LY96: variants seen among roughly 807,000 people sequenced by gnomAD.
LY96 encodes lymphocyte antigen 96.
A neutral mutation model predicts 18.9 loss-of-function variants in LY96; 18 were observed. That is an observed-to-expected ratio of 0.95 (90% CI 0.66 to 1.41). LY96 has a LOEUF of 1.41. Among genes scored for constraint, LY96 ranks in the 40% most tolerant of loss-of-function variants. The pLI is 0.00. For synonymous variants in LY96, 66 were observed against 62.6 expected, an observed-to-expected ratio of 1.06 and a Z score of -0.26; for missense variants, 175 against 182.4, an observed-to-expected ratio of 0.96 and a Z score of 0.23.
chr8:74,033,097 A>C (rs1816997455), downstream of LY96, among the ~76,000 whole-genome samples: 1 of 152,178 alleles, frequency 6.6e-6, no homozygotes, highest in Non-Finnish European at 1.5e-5. Context: ...TTACTCCGGC[A>C]GAATCATACG....
chr8:74,069,449 G>T, the LY96 span, among the ~76,000 whole-genome samples: 1 of 152,114 alleles, frequency 6.6e-6, no homozygotes, highest in Non-Finnish European at 1.5e-5. Flanking sequence ...TTCCTGTGAT[G>T]GGCAGTGATA....
chr8:74,068,033 C>T, the LY96 span, among the ~76,000 whole-genome samples: 6,137 of 135,622 alleles, frequency 0.045, 362 homozygotes, highest in African/African-American at 0.13. Flanking sequence ...TGCACTCCAC[C>T]CTGGGTGACA....
At chr8:73,997,985 T>G (rs1816185896) in intron 1 of LY96, among the ~76,000 whole-genome samples, 1 of 152,176 alleles carries the variant, frequency 6.6e-6, no homozygotes, top group Non-Finnish European at 1.5e-5. Context: ...GTGTTCATCA[T>G]GTAGGCATAA....
At chr8:74,022,527 G>T (rs1329456326) in intron 3 of LY96, among the ~76,000 whole-genome samples, 2 of 149,762 alleles carry the variant, frequency 1.3e-5, no homozygotes, top group Non-Finnish European at 1.5e-5. Context: ...TACCTGAACT[G>T]CTAAGTGTTA....
At chr8:74,035,694 T>A in the LY96 span, among the ~76,000 whole-genome samples, 1 of 152,186 alleles carries the variant, frequency 6.6e-6, no homozygotes, top group African/African-American at 2.4e-5. Flanking sequence ...ACATTTACAA[T>A]CTATTCTCTT....
intron 3 of LY96, among the ~76,000 whole-genome samples, chr8:74,021,130 G>A (rs1816749400): frequency 6.6e-6 from 1 of 152,186 alleles, no homozygotes; most frequent in South Asian, 2.1e-4. Context: ...AGATTGAACA[G>A]GCGACCTACA....
At chr8:74,013,045 C>T (rs1816561263) in intron 3 of LY96, among the ~76,000 whole-genome samples, 1 of 151,988 alleles carries the variant, frequency 6.6e-6, no homozygotes, top group South Asian at 2.1e-4. Flanking sequence ...CAGCCTCAAA[C>T]TCCTGGGCTG....
chr8:74,050,764 C>T, the LY96 span, among the ~76,000 whole-genome samples: 24 of 152,310 alleles, frequency 1.6e-4, no homozygotes, highest in South Asian at 5.0e-3. Flanking sequence ...GGGCTCATGC[C>T]TGTAATCCCA....
chr8:74,031,931 C>T (rs1289237961), downstream of LY96, among the ~76,000 whole-genome samples: 2 of 152,012 alleles, frequency 1.3e-5, no homozygotes, highest in Non-Finnish European at 2.9e-5. Flanking sequence ...CCAGACTAGC[C>T]TGGCCAAGAC....
chr8:73,998,182 C>T (rs984043931), intron 1 of LY96, among the ~76,000 whole-genome samples: 2 of 152,140 alleles, frequency 1.3e-5, no homozygotes, highest in African/African-American at 4.8e-5. Context: ...GAACTAGAAG[C>T]TCTGGGCAAG....
At chr8:73,998,240 C>T (rs1361672156) in intron 1 of LY96, among the ~76,000 whole-genome samples, 1 of 152,230 alleles carries the variant, frequency 6.6e-6, no homozygotes, top group African/African-American at 2.4e-5. Context: ...TCTCTTACCA[C>T]TCCCATTGTT....
chr8:74,059,733 T>C, the LY96 span, among the ~76,000 whole-genome samples: 1 of 152,222 alleles, frequency 6.6e-6, no homozygotes, highest in Non-Finnish European at 1.5e-5. Flanking sequence ...AAAATCTACT[T>C]AAAACTATTA....
At chr8:74,092,234 A>G in the LY96 span, among the ~76,000 whole-genome samples, 1 of 152,196 alleles carries the variant, frequency 6.6e-6, no homozygotes, top group Non-Finnish European at 1.5e-5. Context: ...GGAAGCACCA[A>G]CTAAGTCTGT....
chr8:73,997,108 T>C (rs1361760697), intron 1 of LY96, among the ~76,000 whole-genome samples: 1 of 152,180 alleles, frequency 6.6e-6, no homozygotes, highest in Non-Finnish European at 1.5e-5. Context: ...CAGCCTGCCT[T>C]GGCCTCCCAA....
At chr8:73,995,879 G>A (rs1018762630) in intron 1 of LY96, among the ~76,000 whole-genome samples, 7 of 152,170 alleles carry the variant, frequency 4.6e-5, no homozygotes, top group South Asian at 2.1e-4. Flanking sequence ...TGCCCTTATG[G>A]ATTCAGTAAA....
chr8:74,089,107 A>G, the LY96 span, among the ~76,000 whole-genome samples: 1 of 152,166 alleles, frequency 6.6e-6, no homozygotes, highest in Non-Finnish European at 1.5e-5. Flanking sequence ...TAGGCTGAAG[A>G]GAGCAAACCT....
rs1816922081 is a variant in LY96 at position 74,028,938 on chromosome 8, T to G, written c.385-18T>G. 1 of 1,470,452 alleles carries G rather than the reference T, an allele frequency of 6.8e-7. No individual in the cohort carries two copies. The highest frequency in any genetic ancestry group is 2.3e-5 in the East Asian group (1 of 44,132). 91.1% of individuals were successfully genotyped at this position (1,470,452 alleles called of 1,614,324 possible). ...TCTAACATTTTGTATTACTTGTATT[T>G]CTTATACTTCATTTTAGGGAAAATA... On this transcript the variant is annotated intron_variant, in intron 4 of 4. Transcript: ENST00000284818.
rs183968517 is a variant in LY96 at position 74,002,573 on chromosome 8, C to A, written c.113-2223C>A. Among the ~76,000 whole-genome samples the A allele has an allele frequency of 2.3e-3, 296 of 131,422 alleles. 1 individual carries two copies. Among genetic ancestry groups the A allele is most frequent in the East Asian group, 5.3e-3 (24 of 4,564 alleles). 86.2% of individuals were successfully genotyped at this position (131,422 alleles called of 152,430 possible). ...AGCTCCATGATTTATTTATTTATTT[C>A]TTTTTTTTTTTTTTTTGAGACAGAG... is the stretch of plus-strand genomic sequence containing the variant. On this transcript the variant is annotated intron_variant, in intron 1 of 4. Coordinates refer to ENST00000284818, the MANE Select transcript of LY96 (RefSeq NM_015364.5).
chr8:74,005,220 C>T (rs1479532507), intron 2 of LY96, among the ~76,000 whole-genome samples: 1 of 152,218 alleles, frequency 6.6e-6, no homozygotes, highest in Admixed American at 6.5e-5. Flanking sequence ...TATTCAGTCC[C>T]TTGCTGGCTG....
Sources: allele counts gnomAD v4.1 joint callset (sites outside exome capture counted in the v4.1 genomes callset), GRCh38; gene constraint gnomAD v4.1.1; transcripts MANE v1.5; gene names NCBI Gene and HGNC (gene_info 2026-07-23, HGNC 2026-07-21).